The following NFIA variants were observed in gnomAD, a reference collection of about 807,000 sequenced individuals.
NFIA encodes the protein nuclear factor 1 A-type.
In NFIA, 8 loss-of-function variants were observed where a neutral mutation model predicts 62.8. The observed-to-expected ratio is 0.13, with a 90% CI of 0.07 to 0.23. NFIA has a LOEUF of 0.23. NFIA is among the 10% of genes least tolerant of loss of function. The probability of loss-of-function intolerance (pLI) is 1.00; values close to 1 mark genes in which losing one functional copy is unlikely to be tolerated. For missense variants in NFIA, 410 were observed against 642.1 expected (o/e 0.64, Z 3.91); for synonymous variants, 235 against 238.1 (o/e 0.99, Z 0.12).
intron 9 of NFIA, among the ~76,000 whole-genome samples, chr1:61,411,753 G>A (rs1005117076): frequency 6.6e-6 from 1 of 151,806 alleles, no homozygotes. Flanking sequence ...TAAGCAGGGT[G>A]ATCAGAGGAG....
chr1:61,232,255 A>G (rs1001649422), intron 2 of NFIA, among the ~76,000 whole-genome samples: 1 of 152,190 alleles, frequency 6.6e-6, no homozygotes, highest in African/African-American at 2.4e-5. Context: ...CTTCAGTTTT[A>G]TAGGCATTCC....
chr1:61,420,376 CTT>C (rs1294554581), intron 9 of NFIA, among the ~76,000 whole-genome samples: 1 of 142,834 alleles, frequency 7.0e-6, no homozygotes. Context: ...CTCACAGGAC[CTT>C]TTTTTTTTTT....
chr1:61,396,711 G>A (rs1665286816), intron 7 of NFIA, among the ~76,000 whole-genome samples: 1 of 152,044 alleles, frequency 6.6e-6, no homozygotes, highest in Admixed American at 6.5e-5. Flanking sequence ...TCAGAAACGT[G>A]CCTGGGGGCC....
intron 7 of NFIA, among the ~76,000 whole-genome samples, chr1:61,386,542 A>C (rs985008081): frequency 6.6e-6 from 1 of 152,220 alleles, no homozygotes; most frequent in Non-Finnish European, 1.5e-5. Context: ...AGCACCAGTT[A>C]GTAAGCAATA....
At chr1:61,362,613 G>T (rs1422822181) in intron 6 of NFIA, among the ~76,000 whole-genome samples, 1 of 152,182 alleles carries the variant, frequency 6.6e-6, no homozygotes, top group Non-Finnish European at 1.5e-5. Context: ...GTCTTTTGTA[G>T]TATCCTGTTC....
At chr1:61,238,423 A>G (rs1370451253) in intron 2 of NFIA, among the ~76,000 whole-genome samples, 1 of 152,220 alleles carries the variant, frequency 6.6e-6, no homozygotes, top group African/African-American at 2.4e-5. Context: ...ATCTTCAGAC[A>G]TCATCGGAAA....
At chr1:61,168,236 A>AT (rs1649716267) in intron 2 of NFIA, among the ~76,000 whole-genome samples, 1 of 152,164 alleles carries the variant, frequency 6.6e-6, no homozygotes, top group African/African-American at 2.4e-5. Flanking sequence ...ACCAGTTGTG[A>AT]TTTTTAAAAA....
chr1:61,377,353 G>C lies in NFIA; in HGVS notation c.947-5884G>C, dbSNP rs541054570. Among the ~76,000 whole-genome samples the C allele has an allele frequency of 3.3e-5, 5 of 152,300 alleles. No homozygotes were observed. The South Asian group carries it at 8.3e-4, about 25-fold the overall frequency. ...GGTTTTTGGACGTGATCGACATGCA[G>C]AGATTTAATCTCTGTAGCTGCCTCC... is the stretch of plus-strand genomic sequence containing the variant. On this transcript the variant is annotated intron_variant, in intron 6 of 10. Coordinates refer to ENST00000403491, the MANE Select transcript of NFIA (RefSeq NM_001134673.4).
chr1:61,254,160 G>A (rs1656231253), intron 2 of NFIA, among the ~76,000 whole-genome samples: 1 of 152,182 alleles, frequency 6.6e-6, no homozygotes, highest in Non-Finnish European at 1.5e-5. Context: ...AATTCCCAGA[G>A]TACTGGGATA....
intron 3 of NFIA, among the ~76,000 whole-genome samples, chr1:61,307,776 A>G (rs973824731): frequency 6.6e-6 from 1 of 152,348 alleles, no homozygotes; most frequent in African/African-American, 2.4e-5. Flanking sequence ...ATTTGCTAGC[A>G]TCTTTTAAAG....
chr1:61,438,998 G>GACACAC (rs3076170), intron 10 of NFIA, among the ~76,000 whole-genome samples: 4,839 of 141,880 alleles, frequency 0.034, 120 homozygotes, highest in South Asian at 0.045. Flanking sequence ...CATGCATGCA[G>GACACAC]ACACACACAC....
At chr1:61,342,061 C>T (rs1347200094) in intron 4 of NFIA, among the ~76,000 whole-genome samples, 1 of 152,022 alleles carries the variant, frequency 6.6e-6, no homozygotes, top group African/African-American at 2.4e-5. Flanking sequence ...TTCAGCAAAA[C>T]CACACATAGG....
intron 2 of NFIA, among the ~76,000 whole-genome samples, chr1:61,229,630 A>G (rs764305043): frequency 6.6e-6 from 1 of 152,168 alleles, no homozygotes; most frequent in Non-Finnish European, 1.5e-5. Context: ...TCTGTGATCA[A>G]AGTCTGATTG....
intron 2 of NFIA, among the ~76,000 whole-genome samples, chr1:61,158,325 T>C (rs912472930): frequency 1.3e-5 from 2 of 152,204 alleles, no homozygotes; most frequent in Non-Finnish European, 2.9e-5. Flanking sequence ...ACTGATCTAC[T>C]CAGGTATTAT....
intron 6 of NFIA, among the ~76,000 whole-genome samples, chr1:61,364,159 T>A (rs1663461422): frequency 6.6e-6 from 1 of 151,938 alleles, no homozygotes; most frequent in African/African-American, 2.4e-5. Flanking sequence ...TTGGCCAGGC[T>A]AGTCTCAAAC....
At chr1:61,437,057 C>T (rs1667359423) in intron 10 of NFIA, among the ~76,000 whole-genome samples, 1 of 152,194 alleles carries the variant, frequency 6.6e-6, no homozygotes, top group Admixed American at 6.5e-5. Flanking sequence ...TGCCACCAGG[C>T]ACAGTTGTTC....
intron 9 of NFIA, among the ~76,000 whole-genome samples, chr1:61,423,242 TA>T (rs11420345): frequency 2.1e-3 from 301 of 143,298 alleles, no homozygotes; most frequent in African/African-American, 4.2e-3. Flanking sequence ...AAATGGCTGC[TA>T]AAAAAAAAAA....
chr1:61,420,294 A>G (rs557171512), intron 9 of NFIA, among the ~76,000 whole-genome samples: 2 of 152,190 alleles, frequency 1.3e-5, no homozygotes, highest in South Asian at 4.1e-4. Context: ...GTTCAGTTGT[A>G]ATGGTTTCAT....
At chr1:61,363,948 A>ATTTTT (rs35401343) in intron 6 of NFIA, among the ~76,000 whole-genome samples, 1 of 142,554 alleles carries the variant, frequency 7.0e-6, no homozygotes, top group South Asian at 2.2e-4. Context: ...TGCATCTACT[A>ATTTTT]TTTTTTTTTT....
Sources: gnomAD v4.1 joint callset for allele counts (sites outside exome capture counted in the v4.1 genomes callset) on GRCh38, gnomAD v4.1.1 for gene constraint, MANE v1.5 for transcripts, NCBI Gene and HGNC (gene_info 2026-07-23, HGNC 2026-07-21) for gene names.